ASIC2: variants seen among roughly 807,000 people sequenced by gnomAD.
ASIC2 encodes acid-sensing ion channel 2.
Under a neutral mutation model 57.3 loss-of-function variants are expected in ASIC2, and 25 were observed. The ratio of observed to expected loss-of-function variants is 0.44; its 90% CI spans 0.32 to 0.61. ASIC2 has a LOEUF of 0.61. Among genes scored for constraint, ASIC2 ranks in the 20% least tolerant of loss-of-function variants. The pLI, the probability that ASIC2 is intolerant of heterozygous loss-of-function variation, is 0.06. For missense variants in ASIC2, 641 were observed against 738.1 expected (o/e 0.87, Z 1.52); for synonymous variants, 319 against 307.5 (o/e 1.04, Z -0.39).
chr17:33,411,894 C>A (rs921865156), intron 1 of ASIC2, among the ~76,000 whole-genome samples: 4 of 152,120 alleles, frequency 2.6e-5, no homozygotes, highest in African/African-American at 9.7e-5. Flanking sequence ...ATGGCTTCAC[C>A]AACTTTAGGG....
chr17:33,498,085 A>G (rs1913992018), intron 1 of ASIC2, among the ~76,000 whole-genome samples: 1 of 152,204 alleles, frequency 6.6e-6, no homozygotes, highest in South Asian at 2.1e-4. Context: ...TTTGTCCACA[A>G]AGCACTTCTG....
At chr17:33,429,680 GC>G (rs1911342805) in intron 1 of ASIC2, among the ~76,000 whole-genome samples, 1 of 152,072 alleles carries the variant, frequency 6.6e-6, no homozygotes, top group Non-Finnish European at 1.5e-5. Flanking sequence ...ATGAGCCACC[GC>G]CCCCAGCCCA....
At chr17:33,378,030 G>C (rs986523729) in intron 1 of ASIC2, among the ~76,000 whole-genome samples, 2 of 152,184 alleles carry the variant, frequency 1.3e-5, no homozygotes, top group Admixed American at 1.3e-4. Context: ...ATACCCCCTG[G>C]TAGGCACAAG....
At chr17:33,035,192 A>G (rs534578264) in intron 3 of ASIC2, among the ~76,000 whole-genome samples, 52 of 152,266 alleles carry the variant, frequency 3.4e-4, no homozygotes, top group Admixed American at 2.6e-4. Context: ...CCATATCTTG[A>G]CTAAAAGTTT....
chr17:33,056,095 CTG>C (rs1211610590), intron 3 of ASIC2, among the ~76,000 whole-genome samples: 7 of 152,210 alleles, frequency 4.6e-5, no homozygotes, highest in Non-Finnish European at 8.8e-5. Flanking sequence ...GAAGGGAAAA[CTG>C]AGATCCAGAA....
chr17:33,097,706 A>T (rs2092188482), intron 2 of ASIC2, among the ~76,000 whole-genome samples: 1 of 152,214 alleles, frequency 6.6e-6, no homozygotes, highest in South Asian at 2.1e-4. Flanking sequence ...GGGGAAGAAG[A>T]GTTTATTTGC....
At chr17:33,397,169 G>A (rs1910108438) in intron 1 of ASIC2, among the ~76,000 whole-genome samples, 1 of 152,164 alleles carries the variant, frequency 6.6e-6, no homozygotes, top group Non-Finnish European at 1.5e-5. Context: ...AGTGCAAGGT[G>A]GAAAAGACAA....
intron 1 of ASIC2, among the ~76,000 whole-genome samples, chr17:34,085,633 C>T (rs1910086582): frequency 1.3e-5 from 2 of 152,066 alleles, no homozygotes. Flanking sequence ...CTCCTTGTAC[C>T]TCTGGTAGAA....
At chr17:33,593,930 G>T in intron 1 of ASIC2, among the ~76,000 whole-genome samples, 2 of 152,148 alleles carry the variant, frequency 1.3e-5, no homozygotes, top group Non-Finnish European at 2.9e-5. Context: ...TCAATATTCA[G>T]GGAGTTTTAA....
intron 1 of ASIC2, among the ~76,000 whole-genome samples, chr17:33,377,058 G>T (rs1474056134): frequency 1.3e-5 from 2 of 151,828 alleles, no homozygotes; most frequent in Non-Finnish European, 2.9e-5. Context: ...TTTTTTTGGA[G>T]GGGGGGAGCG....
chr17:34,101,375 G>C (rs1598026941), intron 1 of ASIC2, among the ~76,000 whole-genome samples: 1 of 152,234 alleles, frequency 6.6e-6, no homozygotes, highest in Middle Eastern at 3.4e-3. Flanking sequence ...GTCTGTATTT[G>C]GTTACGCTTT....
At chr17:33,019,218 A>C (rs1044642044) in intron 7 of ASIC2, among the ~76,000 whole-genome samples, 1 of 151,996 alleles carries the variant, frequency 6.6e-6, no homozygotes, top group Non-Finnish European at 1.5e-5. Context: ...GTATTTGTAT[A>C]AAAGCAGGCA....
chr17:33,940,666 G>C (rs1042246063), intron 1 of ASIC2, among the ~76,000 whole-genome samples: 4 of 152,208 alleles, frequency 2.6e-5, no homozygotes, highest in African/African-American at 9.7e-5. Flanking sequence ...CCAGAGCTTG[G>C]ATCCTAGCAG....
chr17:33,024,643 G>A (rs1054503565), intron 5 of ASIC2, among the ~76,000 whole-genome samples: 3 of 152,102 alleles, frequency 2.0e-5, no homozygotes, highest in Non-Finnish European at 4.4e-5. Flanking sequence ...TCTCAACTAG[G>A]CCTTGACCTT....
At chr17:33,665,623 T>G (rs139741670) in intron 1 of ASIC2, among the ~76,000 whole-genome samples, 1 of 152,344 alleles carries the variant, frequency 6.6e-6, no homozygotes, top group East Asian at 1.9e-4. Context: ...TTTTGTTGCT[T>G]AAGTGTGCTC....
intron 1 of ASIC2, among the ~76,000 whole-genome samples, chr17:33,930,625 A>G (rs1412508662): frequency 6.6e-6 from 1 of 152,246 alleles, no homozygotes; most frequent in African/African-American, 2.4e-5. Context: ...GAAGCCAGGT[A>G]AAAGTGCTGA....
At chr17:33,823,239 A>T (rs1912802885) in intron 1 of ASIC2, among the ~76,000 whole-genome samples, 1 of 152,198 alleles carries the variant, frequency 6.6e-6, no homozygotes, top group South Asian at 2.1e-4. Flanking sequence ...GCAGGATGAG[A>T]TTTGAACCCA....
intron 1 of ASIC2, among the ~76,000 whole-genome samples, chr17:33,543,209 T>C (rs61684971): frequency 0.085 from 12,490 of 147,726 alleles, 1,411 homozygotes; most frequent in African/African-American, 0.26. Flanking sequence ...GTGGGTGCAG[T>C]GCACCAGCAT....
At chr17:33,199,418 G>A (rs1906765765) in intron 1 of ASIC2, among the ~76,000 whole-genome samples, 1 of 152,144 alleles carries the variant, frequency 6.6e-6, no homozygotes, top group Non-Finnish European at 1.5e-5. Flanking sequence ...CATTAGGGGA[G>A]GTAACCACAG....
Sources: gnomAD v4.1 joint callset for allele counts (sites outside exome capture counted in the v4.1 genomes callset) on GRCh38, gnomAD v4.1.1 for gene constraint, MANE v1.5 for transcripts, NCBI Gene and HGNC (gene_info 2026-07-23, HGNC 2026-07-21) for gene names.